LRRC4C: variants seen among roughly 807,000 people sequenced by gnomAD.
LRRC4C encodes the protein leucine rich repeat containing 4C.
In LRRC4C, 5 loss-of-function variants were observed where a neutral mutation model predicts 33.6. That is an observed-to-expected ratio of 0.15 (90% CI 0.08 to 0.31). The LOEUF is 0.31. Ranked by LOEUF, LRRC4C falls within the 10% of genes least tolerant of loss-of-function variation. LRRC4C has a pLI of 1.00. For synonymous variants in LRRC4C, 329 were observed against 302.0 expected, an observed-to-expected ratio of 1.09 and a Z score of -0.93; for missense variants, 560 against 796.7, an observed-to-expected ratio of 0.70 and a Z score of 3.58.
chr11:41,025,974 C>A (rs1411096853), intron 1 of LRRC4C, among the ~76,000 whole-genome samples: 2 of 151,644 alleles, frequency 1.3e-5, no homozygotes, highest in East Asian at 3.9e-4. Flanking sequence ...TGTTCATTGA[C>A]AATGTCCCTG....
At chr11:41,062,872 T>C (rs1045458167) in intron 1 of LRRC4C, among the ~76,000 whole-genome samples, 18 of 151,876 alleles carry the variant, frequency 1.2e-4, no homozygotes, top group African/African-American at 4.1e-4. Flanking sequence ...GAGTCAGAGA[T>C]TGGAATCATG....
intron 3 of LRRC4C, among the ~76,000 whole-genome samples, chr11:40,450,709 A>C (rs1239170865): frequency 6.6e-6 from 1 of 151,780 alleles, no homozygotes; most frequent in Non-Finnish European, 1.5e-5. Context: ...TATTTAAAGA[A>C]TTGGAATCAC....
At chr11:41,105,860 T>C (rs1258310974) in intron 1 of LRRC4C, among the ~76,000 whole-genome samples, 1 of 152,130 alleles carries the variant, frequency 6.6e-6, no homozygotes, top group East Asian at 1.9e-4. Context: ...ATGCATTTTA[T>C]TATAACAAAA....
intron 1 of LRRC4C, among the ~76,000 whole-genome samples, chr11:41,191,730 C>T (rs980920254): frequency 3.3e-5 from 5 of 152,270 alleles, no homozygotes; most frequent in Admixed American, 6.5e-5. Context: ...TCCCACCCAA[C>T]TTCTCATCAA....
intron 2 of LRRC4C, among the ~76,000 whole-genome samples, chr11:40,808,814 G>T (rs557317205): frequency 3.5e-4 from 54 of 152,238 alleles, no homozygotes; most frequent in African/African-American, 1.3e-3. Context: ...ACTAAACAGA[G>T]GATTGATGAA....
At chr11:41,313,534 G>A (rs912448333) in intron 1 of LRRC4C, among the ~76,000 whole-genome samples, 1 of 152,128 alleles carries the variant, frequency 6.6e-6, no homozygotes, top group African/African-American at 2.4e-5. Flanking sequence ...TGCATATTGA[G>A]GGTTGGTAGG....
chr11:41,298,430 A>T (rs1010757641), intron 1 of LRRC4C, among the ~76,000 whole-genome samples: 2 of 151,030 alleles, frequency 1.3e-5, no homozygotes, highest in African/African-American at 4.9e-5. Flanking sequence ...TTTTTTTTTA[A>T]GCTGGATACT....
At chr11:40,676,604 T>A (rs1296133266) in intron 2 of LRRC4C, among the ~76,000 whole-genome samples, 1 of 152,222 alleles carries the variant, frequency 6.6e-6, no homozygotes, top group Non-Finnish European at 1.5e-5. Flanking sequence ...GATAAATTTT[T>A]CCTTTGCTCC....
chr11:40,466,943 A>G (rs1362569900), intron 3 of LRRC4C, among the ~76,000 whole-genome samples: 1 of 152,108 alleles, frequency 6.6e-6, no homozygotes, highest in Non-Finnish European at 1.5e-5. Flanking sequence ...AATATATGAT[A>G]ATTTACATTT....
chr11:40,596,113 G>C (rs1159853644), intron 3 of LRRC4C, among the ~76,000 whole-genome samples: 7 of 152,130 alleles, frequency 4.6e-5, no homozygotes, highest in Admixed American at 3.3e-4. Context: ...CAGAATTACA[G>C]ATGAAAAACA....
At chr11:40,423,206 A>C (rs1950583245) in intron 3 of LRRC4C, among the ~76,000 whole-genome samples, 1 of 152,150 alleles carries the variant, frequency 6.6e-6, no homozygotes, top group African/African-American at 2.4e-5. Context: ...AGAAAGTGAT[A>C]ACACAGATTA....
intron 5 of LRRC4C, among the ~76,000 whole-genome samples, chr11:40,214,406 G>A (rs1565143438): frequency 6.6e-6 from 1 of 152,052 alleles, no homozygotes. Context: ...TTAAGAAACT[G>A]GATTTGTGAG....
chr11:40,633,371 T>TTCTTTCTTTCTTTCTTTCTTTTTTTCTC (rs745929705), intron 3 of LRRC4C, among the ~76,000 whole-genome samples: 1 of 96,308 alleles, frequency 1.0e-5, no homozygotes, highest in African/African-American at 3.5e-5. Context: ...CTTTCTTTCT[T>TTCTTTCTTTCTTTCTTTCTTTTTTTCTC]TCTCTCTCTT....
chr11:40,648,532 A>C (rs1283587971), intron 2 of LRRC4C, among the ~76,000 whole-genome samples: 4 of 127,354 alleles, frequency 3.1e-5, no homozygotes, highest in Non-Finnish European at 1.8e-5. Flanking sequence ...GTAAAGGCTA[A>C]ATAAAAGTTT....
chr11:40,474,778 T>G lies in LRRC4C; in HGVS notation c.-269-155057A>C, dbSNP rs1953123474. On this transcript the variant is annotated intron_variant, in intron 3 of 6. Coordinates refer to ENST00000528697, the MANE Select transcript of LRRC4C (RefSeq NM_001258419.2). ...CCAATCAAAAAGTGGGCAAAGGATG[T>G]GAACAGACACTTCTCAAGAAAAGAC... is the stretch of plus-strand genomic sequence containing the variant. Among the ~76,000 whole-genome samples the G allele has an allele frequency of 2.0e-5, 3 of 152,142 alleles. 1 individual carries two copies. In the South Asian group the frequency reaches 6.2e-4, roughly 32 times the overall value.
At chr11:40,360,397 G>T (rs1003806627) in intron 3 of LRRC4C, among the ~76,000 whole-genome samples, 18 of 152,172 alleles carry the variant, frequency 1.2e-4, no homozygotes, top group African/African-American at 4.3e-4. Context: ...AGAGGTCCGG[G>T]AAACTACCAA....
intron 1 of LRRC4C, among the ~76,000 whole-genome samples, chr11:41,339,058 G>A (rs1394955026): frequency 6.6e-6 from 1 of 152,158 alleles, no homozygotes; most frequent in Non-Finnish European, 1.5e-5. Flanking sequence ...TTTGAAAGAT[G>A]CATCATGGTT....
chr11:40,548,335 A>G (rs1039096947), intron 3 of LRRC4C, among the ~76,000 whole-genome samples: 3 of 152,134 alleles, frequency 2.0e-5, no homozygotes, highest in Non-Finnish European at 2.9e-5. Flanking sequence ...TAGGGAAGGC[A>G]CTAATTCAAT....
chr11:40,565,291 T>G (rs1482167700), intron 3 of LRRC4C, among the ~76,000 whole-genome samples: 1 of 152,152 alleles, frequency 6.6e-6, no homozygotes, highest in Non-Finnish European at 1.5e-5. Flanking sequence ...AGTGTGCCCC[T>G]CAGGTCTCCC....
Sources: gnomAD v4.1 joint callset for allele counts (sites outside exome capture counted in the v4.1 genomes callset) on GRCh38, gnomAD v4.1.1 for gene constraint, MANE v1.5 for transcripts, NCBI Gene and HGNC (gene_info 2026-07-23, HGNC 2026-07-21) for gene names.